The following KIF7 variants were observed in gnomAD, a reference collection of about 807,000 sequenced individuals.
The protein encoded by KIF7 is kinesin-like protein KIF7.
KIF7 carries 104 observed loss-of-function variants against 135.7 expected under a neutral mutation model. The observed-to-expected ratio is 0.77, with a 90% confidence interval of 0.65 to 0.90. The LOEUF (loss-of-function observed/expected upper bound fraction) is 0.90, where lower values mean the gene tolerates loss of function less well. KIF7 is among the 40% of genes least tolerant of loss of function. The pLI is 0.00. For missense variants in KIF7, 2,005 were observed against 1,839.1 expected, an observed-to-expected ratio of 1.09 and a Z score of -1.65; for synonymous variants, 883 against 809.4, an observed-to-expected ratio of 1.09 and a Z score of -1.54.
chr15:89,660,999 T>C, the KIF7 span, among the ~76,000 whole-genome samples: 2 of 152,186 alleles, frequency 1.3e-5, no homozygotes, highest in Non-Finnish European at 2.9e-5. Context: ...AGCAGAGCCA[T>C]TGGGAGTACC....
At chr15:89,657,972 T>A (rs564937622), upstream of KIF7, among the ~76,000 whole-genome samples, 5 of 152,308 alleles carry the variant, frequency 3.3e-5, no homozygotes, top group South Asian at 1.0e-3. Flanking sequence ...GCTACAGGCA[T>A]AACAAATAGA....
At chr15:89,656,762 G>A (rs571535791), upstream of KIF7, among the ~76,000 whole-genome samples, 23 of 152,220 alleles carry the variant, frequency 1.5e-4, no homozygotes, top group South Asian at 3.7e-3. Flanking sequence ...CTAAAACCTC[G>A]AGCAATTGGA....
downstream of KIF7, chr15:89,623,581 G>A (rs956979423): frequency 3.2e-6 from 5 of 1,553,132 alleles, no homozygotes; most frequent in Non-Finnish European, 4.3e-6. Flanking sequence ...GAGATCATGA[G>A]TTATAATATT....
At chr15:89,644,683 C>A (rs889753223) in intron 10 of KIF7, among the ~76,000 whole-genome samples, 1 of 151,732 alleles carries the variant, frequency 6.6e-6, no homozygotes, top group Non-Finnish European at 1.5e-5. Context: ...AACTCTTTCT[C>A]AAAAAAAGAA....
chr15:89,628,551 C>T lies in KIF7; in HGVS notation c.3900G>A (p.Glu1300=). ...CAGGAAGCACCCGCCCCACCAGGGG[C>T]TCAGCCGCCTCCCGCTGCCTCAGTT... ...PEELRQREAA[E]PLVGRVLPVG... is the part of the protein sequence containing the mutation. Residue 1300 remains glutamate (E), a synonymous_variant, in exon 19 of 19, where the codon GAG becomes GAA. Coordinates refer to ENST00000394412, the MANE Select transcript of KIF7 (RefSeq NM_198525.3). 6.2e-7 allele frequency: 1 copy of T among 1,613,350 alleles called. No individual in the cohort carries two copies. Among genetic ancestry groups the T allele is most frequent in the Non-Finnish European group, 8.5e-7 (1 of 1,179,980 alleles).
Position 89,617,689 on chromosome 15 carries a change from C to CTTTT in KIF7, c.*75+336_*75+339dup, listed in dbSNP as rs35732953. Among the ~76,000 whole-genome samples, 9 of 98,760 alleles carry CTTTT rather than the reference C, an allele frequency of 9.1e-5. 1 individual carries two copies. The highest frequency in any genetic ancestry group is 2.3e-4 in the African/African-American group (6 of 26,228). 64.8% of individuals were successfully genotyped at this position (98,760 alleles called of 152,430 possible). A position where few individuals can be genotyped will look rare whatever the true frequency, so the allele number is the denominator to read the frequency against. ...GGTGTGTGCCACTGCACCCAGCTAT[C>CTTTT]TTTTTTTTTTTTTTTTTTTTTGAGA... On this transcript the variant is annotated intron_variant and NMD_transcript_variant, in intron 2 of 2. Coordinates refer to the KIF7 transcript ENST00000558928.
At chr15:89,647,752 C>T in intron 5 of KIF7, 40 bp from the exon 6 acceptor site, 2 of 1,443,166 alleles carry the variant, frequency 1.4e-6, no homozygotes, top group South Asian at 1.2e-5. Context: ...CGGGGGTTGA[C>T]AGGGCGAGCT....
rs114408271 is a variant in KIF7, at chr15:89,641,274, C to T, written c.2394+929G>A. ...GACACAGCCAGGAAGTGGCCGTCTGCACACCAAGAAGTGAGGCCTCAGGGG... is the reference window on the plus strand; with the variant it reads ...GACACAGCCAGGAAGTGGCCGTCTGTACACCAAGAAGTGAGGCCTCAGGGG... On this transcript the variant is annotated intron_variant, in intron 11 of 18. Coordinates refer to ENST00000394412, the MANE Select transcript of KIF7 (RefSeq NM_198525.3). Among the ~76,000 whole-genome samples, 662 of 152,176 alleles carry T rather than the reference C, an allele frequency of 4.4e-3. 3 individuals are homozygous for T. Among genetic ancestry groups the T allele is most frequent in the African/African-American group, 0.015 (642 of 41,502 alleles).
intron 12 of KIF7, 50 bp from the exon 13 acceptor site, chr15:89,633,316 C>A: frequency 6.5e-7 from 1 of 1,536,600 alleles, no homozygotes; most frequent in Non-Finnish European, 8.7e-7. Context: ...CAGCATCTTA[C>A]CAGAGCCTGC....
rs1963626959 is a variant in KIF7 at position 89,629,581 on chromosome 15, A to C, written c.3319-8T>G. The stretch of plus-strand genomic sequence containing the variant: ...CTCTCGGAGCGTCACCACCTGTCCC[A>C]AGACCCAGCCAGGCTCAGCCCTCAT... On this transcript the variant is annotated splice_polypyrimidine_tract_variant and splice_region_variant and intron_variant, in intron 16 of 18. Transcript: ENST00000394412. The C allele has an allele frequency of 6.2e-7, 1 of 1,604,216 alleles. No homozygotes were observed. Among genetic ancestry groups the C allele is most frequent in the Non-Finnish European group, 8.5e-7 (1 of 1,179,940 alleles).
Position 89,652,759 on chromosome 15 carries a change from G to C in KIF7, c.172C>G (p.His58Asp). The C allele has an allele frequency of 6.4e-7, 1 of 1,551,680 alleles. No homozygotes were observed. The highest frequency in any genetic ancestry group is 1.2e-5 in the South Asian group (1 of 84,064). ...CCCGCATCCTCGGCCAGCACCACGT[G>C]GAAGCCAAAGTGTCGGTCACGGCCC... is the stretch of plus-strand genomic sequence containing the variant. ...TLGRDRHFGF[H>D]VVLAEDAGQE... The change falls in exon 2 of 19, where the codon CAC becomes GAC. Residue 58 changes from histidine to aspartate, a missense_variant. Physicochemically the swap from His to Asp is moderately conservative, Grantham distance 81. Transcript: ENST00000394412.
intron 11 of KIF7, among the ~76,000 whole-genome samples, chr15:89,638,990 G>T (rs1224046892): frequency 6.6e-6 from 1 of 151,816 alleles, no homozygotes; most frequent in Admixed American, 6.6e-5. Flanking sequence ...AAATAACGCC[G>T]CATATCTACA....
chr15:89,633,081 A>T lies in KIF7; in HGVS notation c.2718+60T>A. 2.5e-6 allele frequency: 4 copies of T among 1,600,292 alleles called. No homozygotes were observed. In the Admixed American group the frequency reaches 6.7e-5, roughly 27 times the overall value. On this transcript the variant is annotated intron_variant, in intron 13 of 18. Transcript: ENST00000394412. ...GCCACTCGAGGTTCACTGGGGAGAA[A>T]GGTGCACCCACCAGCCAGCCCCCAG...
At chr15:89,622,434 T>G (rs370396737) in intron 1 of KIF7, among the ~76,000 whole-genome samples, 14 of 152,286 alleles carry the variant, frequency 9.2e-5, no homozygotes, top group African/African-American at 3.4e-4. Context: ...GAAACATTCC[T>G]CTCAGTTTGC....
intron 10 of KIF7, among the ~76,000 whole-genome samples, chr15:89,642,647 G>A (rs1360881501): frequency 6.6e-6 from 1 of 152,242 alleles, no homozygotes; most frequent in Admixed American, 6.5e-5. Flanking sequence ...TTGGCTCAGT[G>A]CAACCTCCGC....
chr15:89,650,063 T>A, intron 2 of KIF7, 122 bp from the exon 3 acceptor site: 1 of 1,018,256 alleles, frequency 9.8e-7, no homozygotes, highest in Non-Finnish European at 1.5e-6. Context: ...GAGAAGGCAG[T>A]GGCCGAGGCC....
chr15:89,661,431 A>G, the KIF7 span, among the ~76,000 whole-genome samples: 1 of 152,188 alleles, frequency 6.6e-6, no homozygotes, highest in African/African-American at 2.4e-5. Context: ...AAAAAAATTC[A>G]GGACTGTGGT....
chr15:89,648,933 C>T (rs1964072499), intron 4 of KIF7, 41 bp downstream of exon 4: 1 of 1,494,610 alleles, frequency 6.7e-7, no homozygotes, highest in South Asian at 1.3e-5. Context: ...CTCCCCGCCT[C>T]CCCGGCCCCC....
Position 89,633,433 on chromosome 15 carries a change from C to T in KIF7, c.2593-167G>A, listed in dbSNP as rs561107632. On this transcript the variant is annotated intron_variant, in intron 12 of 18. Transcript: ENST00000394412. ...ATCTCCCTGGAGACCGGCAAATAGA[C>T]GCAAACACTTAGAAATAAGCCCCAC... Among the ~76,000 whole-genome samples, 28 of 152,316 alleles carry T rather than the reference C, an allele frequency of 1.8e-4. No individual in the cohort carries two copies. In the Middle Eastern group the frequency reaches 0.01, roughly 56 times the overall value.
Sources: gnomAD v4.1 joint callset for allele counts (sites outside exome capture counted in the v4.1 genomes callset) on GRCh38, gnomAD v4.1.1 for gene constraint, MANE v1.5 for transcripts, NCBI Gene and HGNC (gene_info 2026-07-23, HGNC 2026-07-21) for gene names.